Variants in STAT5B observed in about 807,000 individuals in gnomAD.
STAT5B encodes transcription factor STAT5B.
A neutral mutation model predicts 107.8 loss-of-function variants in STAT5B; 21 were observed. The observed-to-expected ratio is 0.19, with a 90% CI of 0.14 to 0.28. The LOEUF is 0.28. Ranked by LOEUF, STAT5B falls within the 10% of genes least tolerant of loss-of-function variation. The probability of loss-of-function intolerance (pLI) is 1.00; values close to 1 mark genes in which losing one functional copy is unlikely to be tolerated. For synonymous variants in STAT5B, 325 were observed against 401.7 expected (o/e 0.81, Z 2.28); for missense variants, 565 against 1,008.2 (o/e 0.56, Z 5.95).
At chr17:42,283,428 T>C in the STAT5B span, among the ~76,000 whole-genome samples, 1 of 152,306 alleles carries the variant, frequency 6.6e-6, no homozygotes, top group East Asian at 1.9e-4. Flanking sequence ...TCCTCTTCTC[T>C]TCGTCCAGAA....
chr17:42,262,190 T>C (rs2080604392), intron 1 of STAT5B, among the ~76,000 whole-genome samples: 1 of 152,284 alleles, frequency 6.6e-6, no homozygotes, highest in South Asian at 2.1e-4. Context: ...AGACAGGGTC[T>C]TTCTCTGTCA....
chr17:42,227,855 T>C (rs1287976396), intron 2 of STAT5B, among the ~76,000 whole-genome samples, 170 bp from the exon 3 acceptor site: 1 of 152,236 alleles, frequency 6.6e-6, no homozygotes, highest in African/African-American at 2.4e-5. Flanking sequence ...GTTAATCTAT[T>C]TGTAATTTAC....
At chr17:42,219,116 A>C (rs1418075036) in intron 7 of STAT5B, among the ~76,000 whole-genome samples, 196 bp downstream of exon 7, 1 of 152,158 alleles carries the variant, frequency 6.6e-6, no homozygotes, top group African/African-American at 2.4e-5. Flanking sequence ...TCCCATCTCC[A>C]GGACAGCAGC....
At chr17:42,243,917 ATGGATTT>A (rs879945688) in intron 1 of STAT5B, among the ~76,000 whole-genome samples, 53,628 of 151,546 alleles carry the variant, frequency 0.35, 10,548 homozygotes, top group African/African-American at 0.53. Flanking sequence ...CATGGAGATA[ATGGATTT>A]GCGATCCCTT....
At chr17:42,229,102 G>A (rs1041115310) in intron 2 of STAT5B, among the ~76,000 whole-genome samples, 3 of 151,546 alleles carry the variant, frequency 2.0e-5, no homozygotes, top group Non-Finnish European at 4.4e-5. Flanking sequence ...AGGAATGAGG[G>A]CAGCCCTGCA....
At chr17:42,202,998 G>A (rs533260400) in intron 16 of STAT5B, 190 bp from the exon 17 acceptor site, 17 of 738,132 alleles carry the variant, frequency 2.3e-5, no homozygotes, top group South Asian at 8.2e-5. Context: ...GCTGGAGTAC[G>A]GTGGTGCAAT....
At chr17:42,236,684 G>A (rs972158036) in intron 1 of STAT5B, among the ~76,000 whole-genome samples, 7 of 152,106 alleles carry the variant, frequency 4.6e-5, no homozygotes, top group East Asian at 3.8e-4. Flanking sequence ...TGACCTGCCC[G>A]CCTCGGCCTC....
intron 1 of STAT5B, among the ~76,000 whole-genome samples, chr17:42,263,948 G>T (rs537339074): frequency 6.6e-6 from 1 of 151,192 alleles, no homozygotes; most frequent in Admixed American, 6.6e-5. Context: ...TTTTTTCAGC[G>T]CCTGTTCTTT....
At chr17:42,256,312 C>T (rs898229835) in intron 1 of STAT5B, among the ~76,000 whole-genome samples, 1 of 152,024 alleles carries the variant, frequency 6.6e-6, no homozygotes, top group Non-Finnish European at 1.5e-5. Flanking sequence ...AACTCATGGG[C>T]TCAAGTGACC....
At chr17:42,230,971 T>C (rs922395871) in intron 2 of STAT5B, among the ~76,000 whole-genome samples, 1 of 152,062 alleles carries the variant, frequency 6.6e-6, no homozygotes, top group African/African-American at 2.4e-5. Flanking sequence ...TCAATTTTCT[T>C]TTAGTCTTTA....
Position 42,219,699 on chromosome 17 carries a change from G to C in STAT5B, c.681+13C>G, listed in dbSNP as rs1234972229. 1 of 1,600,176 alleles carries C rather than the reference G, an allele frequency of 6.2e-7. No homozygotes were observed. The highest frequency in any genetic ancestry group is 1.4e-5 in the African/African-American group (1 of 73,214). ...GGCACCCACGCCCAGGAGAGGCCCA[G>C]GACCCCACTCACCACGCGGTACTGC... On this transcript the variant is annotated intron_variant, in intron 6 of 18. Transcript: ENST00000293328.
chr17:42,217,575 C>T (rs1450853962), intron 9 of STAT5B, 111 bp from the exon 10 acceptor site: 12 of 1,164,058 alleles, frequency 1.0e-5, no homozygotes, highest in African/African-American at 6.1e-5. Context: ...TAAAAATGTA[C>T]GTCATTTAGA....
chr17:42,288,307 ACGCCCGGCGCCGCC>A, the STAT5B span: 1 of 152,042 alleles, frequency 6.6e-6, no homozygotes, highest in Admixed American at 6.5e-5. This position sits in a 1 kb window ranked among gnomAD's most constrained non-coding sequence, Gnocchi z 4.8. Flanking sequence ...GGCAGCCCCC[ACGCCCGGCGCCGCC>A]CGCCGGGAAC....
At chr17:42,262,848 G>GTGTGTA (rs1388885189) in intron 1 of STAT5B, among the ~76,000 whole-genome samples, 1 of 81,650 alleles carries the variant, frequency 1.2e-5, no homozygotes, top group South Asian at 4.2e-4. Flanking sequence ...ACATATATAT[G>GTGTGTA]TATATACACA....
intron 5 of STAT5B, among the ~76,000 whole-genome samples, chr17:42,222,134 CTG>C (rs77133316): frequency 1.2e-4 from 12 of 100,164 alleles, no homozygotes; most frequent in African/African-American, 1.6e-4. Context: ...GGTGTGTGTG[CTG>C]TGTGTGTGTG....
At chr17:42,204,237 C>T (rs1017445792) in intron 16 of STAT5B, among the ~76,000 whole-genome samples, 12 of 152,156 alleles carry the variant, frequency 7.9e-5, no homozygotes, top group East Asian at 1.9e-4. Context: ...TAAACCTGCA[C>T]GTGATCTGGT....
At chr17:42,254,346 C>T (rs554402957) in intron 1 of STAT5B, among the ~76,000 whole-genome samples, 69 of 152,318 alleles carry the variant, frequency 4.5e-4, no homozygotes, top group African/African-American at 1.6e-3. Context: ...CACCACTGCA[C>T]TCTGTCTCTT....
intron 1 of STAT5B, among the ~76,000 whole-genome samples, chr17:42,261,219 T>C (rs1037293092): frequency 1.3e-5 from 2 of 152,092 alleles, no homozygotes; most frequent in Non-Finnish European, 2.9e-5. Context: ...GAAAACATAA[T>C]TTTGAATTAA....
chr17:42,264,194 A>C (rs2080645880), intron 1 of STAT5B, among the ~76,000 whole-genome samples: 1 of 151,878 alleles, frequency 6.6e-6, no homozygotes, highest in Admixed American at 6.6e-5. Context: ...CTTTTGTACA[A>C]ATCTTTTTTT....
Sources: gnomAD v4.1 joint callset for allele counts (sites outside exome capture counted in the v4.1 genomes callset) on GRCh38, gnomAD v4.1.1 for gene constraint, Gnocchi (gnomAD v3.1) non-coding constraint, MANE v1.5 for transcripts, NCBI Gene and HGNC (gene_info 2026-07-23, HGNC 2026-07-21) for gene names.